ELP4: variants seen among roughly 807,000 people sequenced by gnomAD.
ELP4 encodes elongator acetyltransferase complex subunit 4.
In ELP4, 51 loss-of-function variants were observed where a neutral mutation model predicts 48.9. The observed-to-expected ratio is 1.04, with a 90% confidence interval of 0.83 to 1.32. ELP4 has a LOEUF of 1.32. ELP4 is among the 40% of genes most tolerant of loss of function. The probability of loss-of-function intolerance (pLI) is 0.00; values close to 1 mark genes in which losing one functional copy is unlikely to be tolerated. For synonymous variants in ELP4, 210 were observed against 189.2 expected (o/e 1.11, Z -0.90); for missense variants, 519 against 514.6 (o/e 1.01, Z -0.08).
Position 31,790,133 on chromosome 11 carries a change from A to G in ELP4, c.*6609A>G, listed in dbSNP as rs970100310. ...AAAAAAAAAAAAACTAATACTTTCT[A>G]ACATTTTTTACTGTATTAAAATCAC... On this transcript the variant is annotated 3_prime_UTR_variant, in exon 10 of 10. Transcript: ENST00000640961. The G allele has an allele frequency of 1.4e-6, 1 of 739,806 alleles. No homozygotes were observed. Among genetic ancestry groups the G allele is most frequent in the African/African-American group, 1.8e-5 (1 of 54,362 alleles). 45.8% of individuals were successfully genotyped at this position (739,806 alleles called of 1,614,324 possible). A position where few individuals can be genotyped will look rare whatever the true frequency, so the allele number is the denominator to read the frequency against.
intron 9 of ELP4, among the ~76,000 whole-genome samples, chr11:31,655,440 G>C (rs901672204): frequency 1.3e-5 from 2 of 151,726 alleles, no homozygotes; most frequent in Non-Finnish European, 2.9e-5. Flanking sequence ...GGTATAATCC[G>C]CAATTGGGCC....
intron 5 of ELP4, among the ~76,000 whole-genome samples, chr11:31,609,125 C>T (rs549598053): frequency 6.6e-6 from 1 of 152,286 alleles, no homozygotes; most frequent in South Asian, 2.1e-4. Flanking sequence ...TGTCCTTGGG[C>T]TGGGACATGC....
rs1298316561 is a variant in ELP4, at chr11:31,787,697, C to G, written c.*4173C>G. 2 of 230,492 alleles carry G rather than the reference C, an allele frequency of 8.7e-6. No homozygotes were observed. The highest frequency in any genetic ancestry group is 5.6e-5 in the Admixed American group (1 of 17,708). The allele number at this position is 230,492 out of a possible 1,614,324, so 14.3% of individuals were successfully genotyped here. A position where few individuals can be genotyped will look rare whatever the true frequency, so the allele number is the denominator to read the frequency against. ...CTGAACAAAACTACATGCACACATA[C>G]AAAAACTGCAACTTAGGAAGGTGTC... On this transcript the variant is annotated 3_prime_UTR_variant, in exon 10 of 10. Transcript: ENST00000640961.
intron 9 of ELP4, among the ~76,000 whole-genome samples, chr11:31,745,528 G>T (rs1254498655): frequency 2.0e-5 from 3 of 152,164 alleles, no homozygotes; most frequent in Non-Finnish European, 4.4e-5. Context: ...GCATGGTACT[G>T]GTACCAAAAC....
intron 9 of ELP4, among the ~76,000 whole-genome samples, chr11:31,762,779 A>G (rs968054358): frequency 1.3e-5 from 2 of 151,560 alleles, no homozygotes; most frequent in Non-Finnish European, 3.0e-5. Flanking sequence ...CTTAAGATAT[A>G]TTTTTTAAAC....
chr11:31,644,111 G>T (rs1031819856), intron 7 of ELP4, among the ~76,000 whole-genome samples: 1 of 151,614 alleles, frequency 6.6e-6, no homozygotes, highest in African/African-American at 2.4e-5. Flanking sequence ...ACCCAGGAGC[G>T]CAGGGAGATT....
intron 2 of ELP4, among the ~76,000 whole-genome samples, chr11:31,527,303 T>C (rs1956310694): frequency 6.6e-6 from 1 of 152,062 alleles, no homozygotes; most frequent in Admixed American, 6.6e-5. Context: ...ATAACTAGAA[T>C]GAACAGGGAA....
intron 9 of ELP4, among the ~76,000 whole-genome samples, chr11:31,658,373 A>G (rs1341171652): frequency 6.6e-6 from 1 of 151,338 alleles, no homozygotes; most frequent in Admixed American, 6.6e-5. Flanking sequence ...ATATATATAT[A>G]TATTCATATG....
chr11:31,677,879 A>AG (rs1176859956), intron 9 of ELP4, among the ~76,000 whole-genome samples: 7 of 152,192 alleles, frequency 4.6e-5, no homozygotes, highest in Non-Finnish European at 1.0e-4. Context: ...TCCATACTTT[A>AG]TACTAAGATT....
intron 5 of ELP4, among the ~76,000 whole-genome samples, chr11:31,619,114 A>G (rs542512669): frequency 5.7e-4 from 86 of 152,114 alleles, no homozygotes; most frequent in Middle Eastern, 6.8e-3. Flanking sequence ...ATGAGATGGG[A>G]CAAGTGGTGG....
chr11:31,629,755 A>C (rs1002624248), intron 6 of ELP4, among the ~76,000 whole-genome samples: 4 of 139,138 alleles, frequency 2.9e-5, no homozygotes, highest in African/African-American at 1.0e-4. Flanking sequence ...GTTTCATTGT[A>C]CTATCTAGAT....
rs555565538 is a variant in ELP4, at chr11:31,711,936, G to A, written c.1143+61715G>A. On this transcript the variant is annotated intron_variant, in intron 9 of 9. Transcript: ENST00000640961. ...ATGCATAGTGCTAGAGACAAAGGTGGCATTTTACATTTTTATTAACACTTG... is the reference window on the plus strand; with the variant it reads ...ATGCATAGTGCTAGAGACAAAGGTGACATTTTACATTTTTATTAACACTTG... Among the ~76,000 whole-genome samples the A allele has an allele frequency of 2.6e-5, 4 of 152,064 alleles. No individual in the cohort carries two copies. The South Asian group carries it at 8.3e-4, about 32-fold the overall frequency.
At chr11:31,685,511 G>A (rs570519544) in intron 9 of ELP4, among the ~76,000 whole-genome samples, 1 of 152,136 alleles carries the variant, frequency 6.6e-6, no homozygotes, top group Admixed American at 6.5e-5. Flanking sequence ...ACTTCAAGAA[G>A]AGTGTAGTGA....
At chr11:31,708,399 A>G (rs1946676885) in intron 9 of ELP4, among the ~76,000 whole-genome samples, 1 of 151,984 alleles carries the variant, frequency 6.6e-6, no homozygotes, top group African/African-American at 2.4e-5. Context: ...TTTAAAGCCA[A>G]CTCTCAGTTA....
In ELP4 at chr11:31,647,854, G is replaced by T. The variant is rs1945237957; in HGVS notation, c.1036+5G>T. On this transcript the variant is annotated splice_donor_5th_base_variant and intron_variant, in intron 8 of 9. Transcript: ENST00000640961. ...CATTGTATAAGGATTATCATGGTAA[G>T]TACAACCTTCATAATGAGAAGAGCA... 1 of 1,524,252 alleles carries T rather than the reference G, an allele frequency of 6.6e-7. No homozygotes were observed. Among genetic ancestry groups the T allele is most frequent in the Non-Finnish European group, 9.1e-7 (1 of 1,099,608 alleles). The allele number at this position is 1,524,252 out of a possible 1,614,324, so 94.4% of individuals were successfully genotyped here. A position where few individuals can be genotyped will look rare whatever the true frequency, so the allele number is the denominator to read the frequency against.
chr11:31,614,309 A>G (rs1441403984), intron 5 of ELP4, among the ~76,000 whole-genome samples: 1 of 152,166 alleles, frequency 6.6e-6, no homozygotes, highest in Non-Finnish European at 1.5e-5. Context: ...AAGAGAAGGG[A>G]AAAGATATGC....
chr11:31,750,174 A>G (rs1947690572), intron 9 of ELP4, among the ~76,000 whole-genome samples: 1 of 152,048 alleles, frequency 6.6e-6, no homozygotes, highest in African/African-American at 2.4e-5. Flanking sequence ...AACTTTTATA[A>G]TACTGATAGA....
intron 7 of ELP4, among the ~76,000 whole-genome samples, chr11:31,640,406 C>T (rs749769407): frequency 2.1e-4 from 32 of 151,858 alleles, no homozygotes; most frequent in Non-Finnish European, 4.3e-4. Context: ...GTGAATGATA[C>T]TTATTTTTTA....
At chr11:31,780,860 C>T (rs951149137) in intron 9 of ELP4, 6 of 152,234 alleles carry the variant, frequency 3.9e-5, no homozygotes, top group African/African-American at 1.4e-4. Context: ...TAACTAAATG[C>T]ATCATGTAAT....
Sources: allele counts gnomAD v4.1 joint callset (sites outside exome capture counted in the v4.1 genomes callset), GRCh38; gene constraint gnomAD v4.1.1; transcripts MANE v1.5; gene names NCBI Gene and HGNC (gene_info 2026-07-23, HGNC 2026-07-21).